EPHB1: variants seen among roughly 807,000 people sequenced by gnomAD.
EPHB1 encodes the protein ephrin type-B receptor 1.
A neutral mutation model predicts 94.4 loss-of-function variants in EPHB1; 30 were observed. That is an observed-to-expected ratio of 0.32 (90% confidence interval 0.24 to 0.43). The LOEUF is 0.43. EPHB1 is among the 20% of genes least tolerant of loss of function. The probability of loss-of-function intolerance (pLI) is 1.00; values close to 1 mark genes in which losing one functional copy is unlikely to be tolerated. For missense variants in EPHB1, 1,055 were observed against 1,308.3 expected (o/e 0.81, Z 2.99); for synonymous variants, 522 against 489.1 (o/e 1.07, Z -0.89).
intron 3 of EPHB1, among the ~76,000 whole-genome samples, chr3:134,996,872 C>T (rs1038011533): frequency 1.3e-5 from 2 of 151,892 alleles, no homozygotes; most frequent in Non-Finnish European, 2.9e-5. Context: ...TATTTCATTT[C>T]TTTTGAGTGT....
intron 3 of EPHB1, among the ~76,000 whole-genome samples, chr3:135,100,974 C>T (rs1430922551): frequency 6.6e-6 from 1 of 152,018 alleles, no homozygotes. Context: ...GGGGTGCCAT[C>T]AAAAAGCCTC....
chr3:135,080,243 C>A (rs1170396887), intron 3 of EPHB1, among the ~76,000 whole-genome samples: 1 of 152,062 alleles, frequency 6.6e-6, no homozygotes, highest in Non-Finnish European at 1.5e-5. Flanking sequence ...CTCTGCAGGG[C>A]AAAATCATGG....
intron 1 of EPHB1, among the ~76,000 whole-genome samples, chr3:134,909,611 C>T (rs908044280): frequency 6.6e-6 from 1 of 152,196 alleles, no homozygotes; most frequent in Non-Finnish European, 1.5e-5. Context: ...GAACAAACCT[C>T]CAGATCCTGA....
At chr3:134,982,708 C>T (rs933103736) in intron 3 of EPHB1, among the ~76,000 whole-genome samples, 6 of 151,812 alleles carry the variant, frequency 4.0e-5, no homozygotes, top group African/African-American at 1.5e-4. Flanking sequence ...TATCACAGCT[C>T]GAAGAAACTG....
chr3:134,801,454 T>C lies in EPHB1; in HGVS notation c.58+5765T>C, dbSNP rs546265469. On this transcript the variant is annotated intron_variant, in intron 1 of 15. Coordinates refer to ENST00000398015, the MANE Select transcript of EPHB1 (RefSeq NM_004441.5). The stretch of plus-strand genomic sequence containing the variant: ...ACACCGAACCCTTACCTGTCCTCCA[T>C]TGACTGTCGAGAGCGTGTTCCTGCA... Among the ~76,000 whole-genome samples the C allele has an allele frequency of 6.0e-4, 91 of 152,294 alleles. 1 individual carries two copies. Among genetic ancestry groups the C allele is most frequent in the African/African-American group, 2.0e-3 (82 of 41,564 alleles).
chr3:135,245,834 A>G (rs1943910109), intron 13 of EPHB1, among the ~76,000 whole-genome samples: 1 of 151,216 alleles, frequency 6.6e-6, no homozygotes, highest in African/African-American at 2.4e-5. Context: ...AAAAAAGCCA[A>G]TGAGATGCCA....
At position 134,936,315 on chromosome 3, in the gene EPHB1, C is replaced by T. The variant is rs142550541; in HGVS notation, c.123+10435C>T. 6.0e-3 allele frequency among the ~76,000 whole-genome samples: 905 copies of T among 152,078 alleles called. 6 individuals are homozygous for T. The highest frequency in any genetic ancestry group is 0.021 in the African/African-American group (866 of 41,452). On this transcript the variant is annotated intron_variant, in intron 2 of 15. Coordinates refer to ENST00000398015, the MANE Select transcript of EPHB1 (RefSeq NM_004441.5). ...TTGGGGAAGTGTGGGGTTGGGGGACCAAAGAGCAGCAAGTCAAAGAGGAGC... is the reference window on the plus strand; with the variant it reads ...TTGGGGAAGTGTGGGGTTGGGGGACTAAAGAGCAGCAAGTCAAAGAGGAGC...
At chr3:135,223,957 C>T (rs1943331863) in intron 12 of EPHB1, among the ~76,000 whole-genome samples, 1 of 152,100 alleles carries the variant, frequency 6.6e-6, no homozygotes, top group South Asian at 2.1e-4. Context: ...AGTTATGTGC[C>T]ATATAATGAT....
intron 1 of EPHB1, among the ~76,000 whole-genome samples, chr3:134,854,002 G>A (rs927228508): frequency 6.6e-5 from 10 of 152,138 alleles, no homozygotes; most frequent in Non-Finnish European, 1.2e-4. Context: ...CATTTTTGGT[G>A]TGTGAGCAGG....
chr3:135,048,892 G>T (rs999199430), intron 3 of EPHB1, among the ~76,000 whole-genome samples: 16 of 152,218 alleles, frequency 1.1e-4, no homozygotes, highest in Non-Finnish European at 2.9e-5. Context: ...TGCTTCATCT[G>T]TGGGCTTTGT....
chr3:135,094,373 C>T (rs1232414495), intron 3 of EPHB1, among the ~76,000 whole-genome samples: 2 of 152,310 alleles, frequency 1.3e-5, no homozygotes, highest in East Asian at 1.9e-4. Context: ...TCCCCAGAGT[C>T]CCCCCATGTC....
chr3:134,795,828 C>T, intron 1 of EPHB1, 139 bp downstream of exon 1: 2 of 1,012,702 alleles, frequency 2.0e-6, no homozygotes, highest in Non-Finnish European at 3.0e-6. Context: ...GTTTGGGAGC[C>T]TCGGCCGCTG....
chr3:135,094,390 G>A (rs577860572), intron 3 of EPHB1, among the ~76,000 whole-genome samples: 2 of 152,310 alleles, frequency 1.3e-5, no homozygotes, highest in South Asian at 4.1e-4. Context: ...TGTCCAGTGT[G>A]TAGGCTCCAG....
At chr3:134,864,915 G>A (rs2037341023) in intron 1 of EPHB1, among the ~76,000 whole-genome samples, 1 of 152,224 alleles carries the variant, frequency 6.6e-6, no homozygotes, top group African/African-American at 2.4e-5. Context: ...TGGAGTCCCT[G>A]AATGGGCCTC....
At chr3:134,878,365 C>G (rs985803759) in intron 1 of EPHB1, among the ~76,000 whole-genome samples, 5 of 152,154 alleles carry the variant, frequency 3.3e-5, no homozygotes, top group Non-Finnish European at 5.9e-5. Context: ...TTTGGCAGCT[C>G]ATATTAACAT....
intron 2 of EPHB1, among the ~76,000 whole-genome samples, chr3:134,936,619 G>T (rs1181004652): frequency 6.6e-6 from 1 of 152,096 alleles, no homozygotes; most frequent in Non-Finnish European, 1.5e-5. Flanking sequence ...ATGAGGCTGG[G>T]GTCCCATCGT....
At position 134,931,642 on chromosome 3, in the gene EPHB1, G is replaced by A. The variant is rs538237580; in HGVS notation, c.123+5762G>A. ...GATGCGATAGAGGAAAAACAGGAAG[G>A]AAGTCCGAAGCCAAGCCTCATGAAC... On this transcript the variant is annotated intron_variant, in intron 2 of 15. Transcript: ENST00000398015. Among the ~76,000 whole-genome samples the A allele has an allele frequency of 2.6e-5, 4 of 152,348 alleles. No homozygotes were observed. In the East Asian group the frequency reaches 7.7e-4, roughly 29 times the overall value.
At chr3:134,806,742 T>A (rs1383163012) in intron 1 of EPHB1, among the ~76,000 whole-genome samples, 3 of 152,170 alleles carry the variant, frequency 2.0e-5, no homozygotes, top group Non-Finnish European at 2.9e-5. Flanking sequence ...ATATTGTTAA[T>A]CTCCTACTAT....
At chr3:135,067,873 C>G (rs914717404) in intron 3 of EPHB1, 7 of 152,262 alleles carry the variant, frequency 4.6e-5, no homozygotes, top group Admixed American at 1.3e-4. Flanking sequence ...GCAGCTTCCT[C>G]TACCCCTGTA....
Sources: gnomAD v4.1 joint callset for allele counts (sites outside exome capture counted in the v4.1 genomes callset) on GRCh38, gnomAD v4.1.1 for gene constraint, MANE v1.5 for transcripts, NCBI Gene and HGNC (gene_info 2026-07-23, HGNC 2026-07-21) for gene names.